POU6F2: variants seen among roughly 807,000 people sequenced by gnomAD.
The protein encoded by POU6F2 is POU class 6 homeobox 2, also known as POU domain, class 6, transcription factor 2.
Under a neutral mutation model 71.3 loss-of-function variants are expected in POU6F2, and 31 were observed. That is an observed-to-expected ratio of 0.43 (90% CI 0.33 to 0.59). The LOEUF is 0.59. Among genes scored for constraint, POU6F2 ranks in the 20% least tolerant of loss-of-function variants. The pLI is 0.04. For missense variants in POU6F2, 783 were observed against 856.8 expected (o/e 0.91, Z 1.07); for synonymous variants, 347 against 355.7 (o/e 0.98, Z 0.27).
At chr7:39,270,021 AG>A (rs1784314973) in intron 4 of POU6F2, among the ~76,000 whole-genome samples, 1 of 152,228 alleles carries the variant, frequency 6.6e-6, no homozygotes, top group South Asian at 2.1e-4. Context: ...AAAGTCATGA[AG>A]AAAGGACTCA....
chr7:39,130,883 A>G (rs1012381200), intron 2 of POU6F2, among the ~76,000 whole-genome samples: 1 of 152,176 alleles, frequency 6.6e-6, no homozygotes, highest in Non-Finnish European at 1.5e-5. Context: ...TGGAGGAGGA[A>G]TCCGGCCTTT....
At chr7:39,171,016 C>CTTTTTTTTTTTTTT (rs760022218) in intron 2 of POU6F2, among the ~76,000 whole-genome samples, 2 of 94,556 alleles carry the variant, frequency 2.1e-5, no homozygotes, top group African/African-American at 4.1e-5. Context: ...TCACATATAT[C>CTTTTTTTTTTTTTT]TTTTTTTTTT....
intron 4 of POU6F2, among the ~76,000 whole-genome samples, chr7:39,336,389 A>G (rs1785778836): frequency 6.6e-6 from 1 of 152,062 alleles, no homozygotes; most frequent in South Asian, 2.1e-4. Context: ...ATTTCATATG[A>G]ATGAAATGTG....
chr7:39,328,828 C>G (rs961609861), intron 4 of POU6F2, among the ~76,000 whole-genome samples: 1 of 152,182 alleles, frequency 6.6e-6, no homozygotes. Flanking sequence ...TGCCTGCCAG[C>G]TGGACCAGAT....
chr7:39,395,288 A>G (rs1787151358), intron 5 of POU6F2, among the ~76,000 whole-genome samples: 1 of 152,152 alleles, frequency 6.6e-6, no homozygotes, highest in African/African-American at 2.4e-5. Context: ...AGAAGTGCCA[A>G]ACTAGCAGCT....
chr7:39,238,213 A>C lies in POU6F2; in HGVS notation c.598+30593A>C, dbSNP rs1042828027. On this transcript the variant is annotated intron_variant, in intron 4 of 9. Coordinates refer to ENST00000518318, the MANE Select transcript of POU6F2 (RefSeq NM_001370959.1). ...CTCTAAACTCAGTTTGAGCATCTGT[A>C]AAATGAGCACAAAGATAGTACTCGC... Among the ~76,000 whole-genome samples the C allele has an allele frequency of 2.0e-5, 3 of 152,312 alleles. No individual in the cohort carries two copies. The South Asian group carries it at 6.2e-4, about 32-fold the overall frequency.
intron 4 of POU6F2, among the ~76,000 whole-genome samples, chr7:39,327,081 C>T (rs1482291024): frequency 6.6e-6 from 1 of 151,984 alleles, no homozygotes; most frequent in Non-Finnish European, 1.5e-5. Context: ...AGATTGAGAC[C>T]ATCCTGGCTA....
At chr7:39,324,475 T>G (rs1785469577) in intron 4 of POU6F2, among the ~76,000 whole-genome samples, 1 of 152,234 alleles carries the variant, frequency 6.6e-6, no homozygotes, top group South Asian at 2.1e-4. Flanking sequence ...CTCCACCAGC[T>G]TGGCCACCTA....
At chr7:39,353,992 G>A (rs1183422257) in intron 5 of POU6F2, among the ~76,000 whole-genome samples, 1 of 152,132 alleles carries the variant, frequency 6.6e-6, no homozygotes, top group Non-Finnish European at 1.5e-5. Flanking sequence ...CCCGGGAAAG[G>A]AAGCTGGCTT....
chr7:39,251,423 T>C (rs1320977171), intron 4 of POU6F2, among the ~76,000 whole-genome samples: 1 of 152,188 alleles, frequency 6.6e-6, no homozygotes, highest in Non-Finnish European at 1.5e-5. Flanking sequence ...GAGCCTAAGC[T>C]TGGAGAAGAG....
chr7:39,111,956 T>C (rs2128725702), intron 2 of POU6F2, among the ~76,000 whole-genome samples: 1 of 152,288 alleles, frequency 6.6e-6, no homozygotes, highest in East Asian at 1.9e-4. Context: ...TTTGTCATGA[T>C]GCAAGAAGAA....
At chr7:39,260,392 C>T (rs1020013503) in intron 4 of POU6F2, among the ~76,000 whole-genome samples, 2 of 150,994 alleles carry the variant, frequency 1.3e-5, no homozygotes, top group Non-Finnish European at 3.0e-5. Flanking sequence ...CTTGCTCACA[C>T]CACACACACA....
chr7:39,422,542 G>C (rs1482884238), intron 6 of POU6F2, among the ~76,000 whole-genome samples: 1 of 152,166 alleles, frequency 6.6e-6, no homozygotes, highest in Non-Finnish European at 1.5e-5. Context: ...GGAAGTTTTT[G>C]GGAGCGTGAT....
chr7:39,016,056 TTA>T (rs1451087023), intron 1 of POU6F2, among the ~76,000 whole-genome samples: 1 of 54,482 alleles, frequency 1.8e-5, no homozygotes, highest in East Asian at 3.4e-4. Flanking sequence ...ATTATATATA[TTA>T]TATATAATAT....
intron 5 of POU6F2, among the ~76,000 whole-genome samples, chr7:39,383,216 A>G (rs1345498371): frequency 1.3e-5 from 2 of 152,218 alleles, no homozygotes; most frequent in East Asian, 1.9e-4. Flanking sequence ...AACGTAATAC[A>G]TGTTAAAAGA....
intron 4 of POU6F2, among the ~76,000 whole-genome samples, chr7:39,277,465 C>T (rs1465482514): frequency 1.3e-5 from 2 of 151,990 alleles, no homozygotes; most frequent in Admixed American, 6.6e-5. Context: ...CCACGTGTAC[C>T]CAGGAGTTAA....
chr7:39,085,903 T>C lies in POU6F2; in HGVS notation c.149T>C (p.Val50Ala). Residue 50 changes from valine to alanine, a missense_variant, in exon 2 of 10, where the codon GTG becomes GCG. Physicochemically the swap from Val to Ala is moderately conservative, Grantham distance 64. Transcript: ENST00000518318. ...AGQVSKPLLSVRSEMNAELRG... is the reference protein window; with the variant it reads ...AGQVSKPLLSARSEMNAELRG... ...CAAGTCAGTAAGCCCTTGCTGTCAGTGCGGAGTGAAATGAATGCGGAGTTG... is the reference window on the plus strand; with the variant it reads ...CAAGTCAGTAAGCCCTTGCTGTCAGCGCGGAGTGAAATGAATGCGGAGTTG... The C allele has an allele frequency of 1.9e-6, 3 of 1,613,522 alleles. No individual in the cohort carries two copies. In the Admixed American group the frequency reaches 5.0e-5, roughly 27 times the overall value.
chr7:39,208,590 A>G (rs1402036256), intron 4 of POU6F2, among the ~76,000 whole-genome samples: 3 of 152,206 alleles, frequency 2.0e-5, no homozygotes, highest in Middle Eastern at 6.8e-3. Flanking sequence ...AGAACTGTTC[A>G]CTCTTGACCC....
At chr7:39,444,532 C>T (rs562761671) in intron 7 of POU6F2, among the ~76,000 whole-genome samples, 10 of 152,326 alleles carry the variant, frequency 6.6e-5, no homozygotes, top group African/African-American at 1.9e-4. Flanking sequence ...TGCGGTGACC[C>T]GAGATCGCAC....
Sources: gnomAD v4.1 joint callset for allele counts (sites outside exome capture counted in the v4.1 genomes callset) on GRCh38, gnomAD v4.1.1 for gene constraint, MANE v1.5 for transcripts, NCBI Gene and HGNC (gene_info 2026-07-23, HGNC 2026-07-21) for gene names.